The following MYO1E variants were observed in gnomAD, a reference collection of about 807,000 sequenced individuals.
MYO1E encodes the protein unconventional myosin-Ie.
MYO1E carries 68 observed loss-of-function variants against 151.1 expected under a neutral mutation model. That is an observed-to-expected ratio of 0.45 (90% CI 0.37 to 0.55). MYO1E has a LOEUF of 0.55. Among genes scored for constraint, MYO1E ranks in the 20% least tolerant of loss-of-function variants. The pLI, the probability that MYO1E is intolerant of heterozygous loss-of-function variation, is 0.00. For synonymous variants in MYO1E, 601 were observed against 501.7 expected (o/e 1.20, Z -2.64); for missense variants, 1,363 against 1,389.3 (o/e 0.98, Z 0.30).
chr15:59,269,354 G>C (rs1023670930), intron 2 of MYO1E, among the ~76,000 whole-genome samples: 2 of 152,164 alleles, frequency 1.3e-5, no homozygotes, highest in African/African-American at 4.8e-5. Context: ...TGCAGAGCAA[G>C]GTTTGAAGCC....
chr15:59,195,113 AG>A (rs2079758599), intron 17 of MYO1E, among the ~76,000 whole-genome samples: 2 of 152,198 alleles, frequency 1.3e-5, no homozygotes, highest in Non-Finnish European at 2.9e-5. Flanking sequence ...GGTCCCGATC[AG>A]GGGCTGGGTG....
intron 18 of MYO1E, among the ~76,000 whole-genome samples, chr15:59,183,237 T>C (rs570830446): frequency 1.3e-5 from 2 of 152,288 alleles, no homozygotes; most frequent in South Asian, 2.1e-4. Flanking sequence ...GAAGTCAGTT[T>C]GGTTGGTTGG....
intron 21 of MYO1E, 151 bp downstream of exon 21, chr15:59,173,595 G>C: frequency 1.2e-6 from 1 of 821,224 alleles, no homozygotes; most frequent in Non-Finnish European, 2.0e-6. Flanking sequence ...CTGGGCATAG[G>C]TGCCTGTTTA....
At position 59,282,328 on chromosome 15, in the gene MYO1E, C is replaced by T. The variant is rs554071435; in HGVS notation, c.4-9879G>A. Among the ~76,000 whole-genome samples, 20 of 152,282 alleles carry T rather than the reference C, an allele frequency of 1.3e-4. No homozygotes were observed. The East Asian group carries it at 3.5e-3, about 27-fold the overall frequency. On this transcript the variant is annotated intron_variant, in intron 1 of 27. Transcript: ENST00000288235. Reference sequence around the variant, plus strand: ...CAAGCCCCCTGCTCTGTCTAGACCTCCCACCTCAGAAAACCCTCCCAGCCA... The same window carrying T: ...CAAGCCCCCTGCTCTGTCTAGACCTTCCACCTCAGAAAACCCTCCCAGCCA...
chr15:59,254,026 A>G (rs1448694760), intron 4 of MYO1E, among the ~76,000 whole-genome samples: 1 of 151,954 alleles, frequency 6.6e-6, no homozygotes, highest in African/African-American at 2.4e-5. Flanking sequence ...ATCCTAAATA[A>G]AAATAAACCA....
intron 1 of MYO1E, among the ~76,000 whole-genome samples, chr15:59,331,994 C>T (rs1451248886): frequency 6.6e-6 from 1 of 152,088 alleles, no homozygotes. Context: ...GGAATGAAGC[C>T]CAACGGCTCT....
At chr15:59,265,701 A>G (rs1257824895) in intron 2 of MYO1E, among the ~76,000 whole-genome samples, 1 of 151,540 alleles carries the variant, frequency 6.6e-6, no homozygotes, top group Non-Finnish European at 1.5e-5. Flanking sequence ...TGGGTGCTAT[A>G]ATCACAACAC....
chr15:59,280,072 T>C (rs2080344364), intron 1 of MYO1E, among the ~76,000 whole-genome samples: 1 of 152,236 alleles, frequency 6.6e-6, no homozygotes, highest in Non-Finnish European at 1.5e-5. Flanking sequence ...TTTTTTATTA[T>C]TTCATGTCAA....
intron 26 of MYO1E, among the ~76,000 whole-genome samples, chr15:59,147,744 C>G (rs2079450581): frequency 6.6e-6 from 1 of 152,142 alleles, no homozygotes; most frequent in Non-Finnish European, 1.5e-5. Context: ...CTGCAGAACT[C>G]TGTGTGCCAC....
intron 26 of MYO1E, among the ~76,000 whole-genome samples, chr15:59,150,572 T>C (rs1449322444): frequency 1.3e-5 from 2 of 152,194 alleles, no homozygotes; most frequent in Non-Finnish European, 2.9e-5. Flanking sequence ...CCTGCCTACT[T>C]TGAGGCATCA....
At chr15:59,161,378 C>T (rs1490746683) in intron 23 of MYO1E, 148 bp from the exon 24 acceptor site, 15 of 922,012 alleles carry the variant, frequency 1.6e-5, no homozygotes, top group Middle Eastern at 3.3e-4. Context: ...CCTGAGGATG[C>T]GCACCGCATC....
intron 1 of MYO1E, among the ~76,000 whole-genome samples, chr15:59,361,515 G>A (rs1429748939): frequency 2.0e-5 from 3 of 152,074 alleles, no homozygotes; most frequent in Non-Finnish European, 4.4e-5. Context: ...CTCATTTCAA[G>A]ACAATGTTAG....
At position 59,272,331 on chromosome 15, in the gene MYO1E, T is replaced by C; in HGVS notation, c.122A>G (p.Lys41Arg). Residue 41 changes from lysine to arginine, a missense_variant, in exon 2 of 28, where the codon AAG (lysine) becomes AGG (arginine). Physicochemically the swap from Lys to Arg is conservative, Grantham distance 26 (BLOSUM62 2). Transcript: ENST00000288235. The stretch of plus-strand genomic sequence containing the variant: ...AAAAATGTAGTCATCCATGTATCTC[T>C]TCTTCAGATTCTCCACGATGGAGTT... ...TENSIVENLKKRYMDDYIFTY... is the reference protein window; with the variant it reads ...TENSIVENLKRRYMDDYIFTY... 6.2e-7 allele frequency: 1 copy of C among 1,614,150 alleles called. No homozygotes were observed. Among genetic ancestry groups the C allele is most frequent in the Non-Finnish European group, 8.5e-7 (1 of 1,179,996 alleles).
At chr15:59,188,356 T>A (rs776220046) in intron 17 of MYO1E, 140 bp from the exon 18 acceptor site, 4 of 720,832 alleles carry the variant, frequency 5.5e-6, no homozygotes, top group Non-Finnish European at 1.0e-5. Context: ...GTTCAAACAC[T>A]GAGCTGACCT....
chr15:59,279,294 G>T (rs573618044), intron 1 of MYO1E, among the ~76,000 whole-genome samples: 1 of 152,280 alleles, frequency 6.6e-6, no homozygotes, highest in Admixed American at 6.5e-5. Flanking sequence ...CTTCCTAGAA[G>T]AGCTGGCCCC....
chr15:59,179,508 T>C (rs1162437676), intron 18 of MYO1E, among the ~76,000 whole-genome samples: 1 of 152,160 alleles, frequency 6.6e-6, no homozygotes, highest in Non-Finnish European at 1.5e-5. Flanking sequence ...GGATGGGTGC[T>C]CTCTCTGCAT....
At chr15:59,312,306 G>C (rs557451302) in intron 1 of MYO1E, among the ~76,000 whole-genome samples, 1 of 152,292 alleles carries the variant, frequency 6.6e-6, no homozygotes. Context: ...AACTGAAAGA[G>C]TTCAGAGAAG....
At chr15:59,252,137 A>G (rs975841645) in intron 4 of MYO1E, among the ~76,000 whole-genome samples, 6 of 152,200 alleles carry the variant, frequency 3.9e-5, no homozygotes, top group African/African-American at 1.4e-4. Context: ...AATTAATTGA[A>G]AACAGTTAAT....
intron 4 of MYO1E, among the ~76,000 whole-genome samples, chr15:59,247,706 C>T (rs2080138530): frequency 6.6e-6 from 1 of 152,212 alleles, no homozygotes; most frequent in African/African-American, 2.4e-5. Flanking sequence ...GGTATTAATG[C>T]TCCAAGGCCA....
Sources: gnomAD v4.1 joint callset for allele counts (sites outside exome capture counted in the v4.1 genomes callset) on GRCh38, gnomAD v4.1.1 for gene constraint, MANE v1.5 for transcripts, NCBI Gene and HGNC (gene_info 2026-07-23, HGNC 2026-07-21) for gene names.